The following CHRM3 variants were observed in gnomAD, a reference collection of about 807,000 sequenced individuals.
CHRM3 encodes muscarinic acetylcholine receptor M3.
Under a neutral mutation model 41.8 loss-of-function variants are expected in CHRM3, and 11 were observed. That is an observed-to-expected ratio of 0.26 (90% CI 0.17 to 0.44). The LOEUF is 0.44. Ranked by LOEUF, CHRM3 falls within the 20% of genes least tolerant of loss-of-function variation. The probability of loss-of-function intolerance (pLI) is 1.00; values close to 1 mark genes in which losing one functional copy is unlikely to be tolerated. For synonymous variants in CHRM3, 297 were observed against 301.4 expected, an observed-to-expected ratio of 0.99 and a Z score of 0.15; for missense variants, 571 against 745.4, an observed-to-expected ratio of 0.77 and a Z score of 2.72.
At chr1:239,690,464 C>T (rs144730298) in intron 5 of CHRM3, among the ~76,000 whole-genome samples, 1,951 of 152,028 alleles carry the variant, frequency 0.013, 54 homozygotes, top group African/African-American at 0.045. Flanking sequence ...CTCCTGACCT[C>T]ATGATCAGCC....
At chr1:239,491,719 T>C (rs1003093344) in intron 1 of CHRM3, among the ~76,000 whole-genome samples, 1 of 152,240 alleles carries the variant, frequency 6.6e-6, no homozygotes, top group Admixed American at 6.5e-5. Flanking sequence ...GATTGCTGGA[T>C]CATATGGTAG....
intron 4 of CHRM3, among the ~76,000 whole-genome samples, chr1:239,633,486 CT>C (rs1670099273): frequency 6.6e-6 from 1 of 152,088 alleles, no homozygotes; most frequent in Admixed American, 6.5e-5. Context: ...AGAGCCAAAC[CT>C]TATCACTACC....
Position 239,696,400 on chromosome 1 carries a change from C to T in CHRM3, c.-147+18112C>T, listed in dbSNP as rs547874029. On this transcript the variant is annotated intron_variant, in intron 5 of 6. Coordinates refer to ENST00000676153, the MANE Select transcript of CHRM3 (RefSeq NM_001375978.1). The stretch of plus-strand genomic sequence containing the variant: ...GACAGTGTAGATGTCTTGGCTGAAG[C>T]GTGGACACTGGTGCCTTTCTCCTAG... Among the ~76,000 whole-genome samples the T allele has an allele frequency of 1.9e-4, 28 of 150,756 alleles. No individual in the cohort carries two copies. In the South Asian group the frequency reaches 5.7e-3, roughly 31 times the overall value.
chr1:239,411,210 C>T (rs373408878), intron 1 of CHRM3, among the ~76,000 whole-genome samples: 129 of 152,242 alleles, frequency 8.5e-4, no homozygotes, highest in African/African-American at 2.9e-3. Context: ...GGTGACTTCA[C>T]TTTTAGAGAT....
chr1:239,858,409 T>C (rs111567652), intron 6 of CHRM3, among the ~76,000 whole-genome samples: 74 of 151,988 alleles, frequency 4.9e-4, no homozygotes, highest in African/African-American at 1.6e-3. Context: ...GTAGTTGGAG[T>C]CTGACTACCT....
intron 3 of CHRM3, among the ~76,000 whole-genome samples, chr1:239,598,422 G>A (rs1163780200): frequency 6.6e-6 from 1 of 152,096 alleles, no homozygotes; most frequent in East Asian, 1.9e-4. Context: ...TTGGGCTCAG[G>A]AGACCTTGAT....
intron 5 of CHRM3, among the ~76,000 whole-genome samples, chr1:239,737,978 T>A (rs1664525552): frequency 6.6e-6 from 1 of 152,028 alleles, no homozygotes. Context: ...AATACCAACC[T>A]GGGAATGAGA....
At chr1:239,718,264 GA>G (rs1662592073) in intron 5 of CHRM3, among the ~76,000 whole-genome samples, 1 of 152,040 alleles carries the variant, frequency 6.6e-6, no homozygotes, top group Non-Finnish European at 1.5e-5. Flanking sequence ...TTAAGTGAGT[GA>G]AATGGAATAA....
At position 239,445,391 on chromosome 1, in the gene CHRM3, C is replaced by G. The variant is rs183229230; in HGVS notation, c.-520-47318C>G. 2.2e-3 allele frequency among the ~76,000 whole-genome samples: 333 copies of G among 152,248 alleles called. 1 individual carries two copies. Among genetic ancestry groups the G allele is most frequent in the Admixed American group, 4.2e-3 (64 of 15,292 alleles). ...GATCAGCCGTGTGGCAGAGAAGTTT[C>G]AGGACTCAGGCATCTGGGCTTGGGG... On this transcript the variant is annotated intron_variant, in intron 1 of 6. Transcript: ENST00000676153.
chr1:239,848,247 GGGA>G (rs1389259339), intron 6 of CHRM3, among the ~76,000 whole-genome samples: 2 of 152,092 alleles, frequency 1.3e-5, no homozygotes, highest in Non-Finnish European at 2.9e-5. Context: ...CAAAATGAGA[GGGA>G]GGAGTTGTGA....
At chr1:239,864,544 A>ACACG (rs57986817) in intron 6 of CHRM3, among the ~76,000 whole-genome samples, 3 of 150,606 alleles carry the variant, frequency 2.0e-5, no homozygotes, top group South Asian at 2.1e-4. Context: ...ACACACACAC[A>ACACG]CGCACACACA....
intron 1 of CHRM3, among the ~76,000 whole-genome samples, chr1:239,491,157 T>G (rs1667527483): frequency 6.6e-6 from 1 of 152,212 alleles, no homozygotes; most frequent in Non-Finnish European, 1.5e-5. Context: ...ACATTAGCAT[T>G]TCCATCACAT....
intron 5 of CHRM3, among the ~76,000 whole-genome samples, chr1:239,713,454 C>A (rs1662017253): frequency 6.6e-6 from 1 of 152,072 alleles, no homozygotes; most frequent in South Asian, 2.1e-4. Flanking sequence ...TTGAGGGGAA[C>A]AAAATAAAAT....
At chr1:239,718,904 G>A (rs1278211203) in intron 5 of CHRM3, 1 of 151,934 alleles carries the variant, frequency 6.6e-6, no homozygotes, top group Non-Finnish European at 1.5e-5. Context: ...TCTAAGGTAA[G>A]TTTAAGGTCA....
intron 5 of CHRM3, among the ~76,000 whole-genome samples, chr1:239,763,530 T>G (rs1666967656): frequency 6.6e-6 from 1 of 152,168 alleles, no homozygotes; most frequent in Non-Finnish European, 1.5e-5. Flanking sequence ...TACAATACTA[T>G]GTAGAACAAA....
chr1:239,859,502 T>A (rs1675428002), intron 6 of CHRM3, among the ~76,000 whole-genome samples: 1 of 149,274 alleles, frequency 6.7e-6, no homozygotes, highest in East Asian at 2.1e-4. Flanking sequence ...TTCTGCTCAC[T>A]GCAAACTCCG....
At chr1:239,760,423 C>G (rs1666658429) in intron 5 of CHRM3, among the ~76,000 whole-genome samples, 1 of 152,042 alleles carries the variant, frequency 6.6e-6, no homozygotes, top group South Asian at 2.1e-4. Flanking sequence ...AGTCAAGAGC[C>G]TCTTTGATCG....
intron 2 of CHRM3, among the ~76,000 whole-genome samples, chr1:239,532,969 A>G (rs1282072887): frequency 2.6e-5 from 4 of 152,204 alleles, no homozygotes; most frequent in Admixed American, 6.5e-5. Context: ...ACCTTCAATT[A>G]AATAATTTTA....
chr1:239,796,458 C>T (rs1669778848), intron 5 of CHRM3, among the ~76,000 whole-genome samples: 1 of 152,156 alleles, frequency 6.6e-6, no homozygotes, highest in Non-Finnish European at 1.5e-5. Flanking sequence ...GGCATCGTTT[C>T]AGTGTAACTT....
Sources: allele counts gnomAD v4.1 joint callset (sites outside exome capture counted in the v4.1 genomes callset), GRCh38; gene constraint gnomAD v4.1.1; transcripts MANE v1.5; gene names NCBI Gene and HGNC (gene_info 2026-07-23, HGNC 2026-07-21).